Variants in ADGRL3 observed in about 807,000 individuals in gnomAD.
The protein encoded by ADGRL3 is adhesion G protein-coupled receptor L3.
In ADGRL3, 62 loss-of-function variants were observed where a neutral mutation model predicts 153.5. The observed-to-expected ratio is 0.40, with a 90% CI of 0.33 to 0.50. The LOEUF (loss-of-function observed/expected upper bound fraction) is 0.50, where lower values mean the gene tolerates loss of function less well. ADGRL3 is among the 20% of genes least tolerant of loss of function. The pLI is 0.47. For synonymous variants in ADGRL3, 710 were observed against 672.5 expected (o/e 1.06, Z -0.86); for missense variants, 1,641 against 1,859.4 (o/e 0.88, Z 2.16).
chr4:61,767,318 A>T (rs963103025), intron 8 of ADGRL3, among the ~76,000 whole-genome samples: 6 of 151,050 alleles, frequency 4.0e-5, no homozygotes, highest in Admixed American at 3.3e-4. Flanking sequence ...GGAGTGCTTA[A>T]AAGAGTATTG....
intron 3 of ADGRL3, among the ~76,000 whole-genome samples, chr4:61,505,343 C>G (rs2098420662): frequency 6.6e-6 from 1 of 151,988 alleles, no homozygotes; most frequent in East Asian, 1.9e-4. Flanking sequence ...TGATAGTTTG[C>G]AAATATTTTC....
At chr4:61,782,503 T>A (rs1348882587) in intron 8 of ADGRL3, among the ~76,000 whole-genome samples, 1 of 152,108 alleles carries the variant, frequency 6.6e-6, no homozygotes, top group East Asian at 1.9e-4. Context: ...CAGATAAACA[T>A]AATAAACCTC....
At chr4:62,068,125 CTTG>C (rs757199238) in intron 25 of ADGRL3, 38 bp from the exon 26 acceptor site, 43 of 1,422,810 alleles carry the variant, frequency 3.0e-5, no homozygotes, top group African/African-American at 1.2e-4. Flanking sequence ...TGTAAGCTTA[CTTG>C]TTGTTTTTTC....
At chr4:61,959,990 A>T (rs1040919931) in intron 17 of ADGRL3, among the ~76,000 whole-genome samples, 6 of 152,186 alleles carry the variant, frequency 3.9e-5, no homozygotes, top group African/African-American at 1.4e-4. Flanking sequence ...TATTTATTTA[A>T]GGAAAAACTA....
intron 3 of ADGRL3, among the ~76,000 whole-genome samples, chr4:61,514,189 C>T (rs999568519): frequency 1.3e-5 from 2 of 152,156 alleles, no homozygotes; most frequent in African/African-American, 4.8e-5. Context: ...ATACCACCTT[C>T]CTTGACCTAA....
chr4:61,243,829 T>C (rs1335796609), intron 1 of ADGRL3, among the ~76,000 whole-genome samples: 1 of 152,034 alleles, frequency 6.6e-6, no homozygotes, highest in East Asian at 1.9e-4. Flanking sequence ...AATACGGTCA[T>C]CATAAAATAA....
chr4:61,755,901 G>C (rs1275291833), intron 8 of ADGRL3, among the ~76,000 whole-genome samples: 3 of 151,986 alleles, frequency 2.0e-5, no homozygotes, highest in Admixed American at 6.6e-5. Context: ...TCTTGTTTTT[G>C]TCAGGTTTGT....
In ADGRL3 at chr4:62,078,044, T is replaced by C. The variant is rs1029665602; in HGVS notation, c.*7136T>C. On this transcript the variant is annotated 3_prime_UTR_variant, in exon 27 of 27. Coordinates refer to ENST00000683033, the MANE Select transcript of ADGRL3 (RefSeq NM_001387552.1). Reference sequence around the variant, plus strand: ...CATTAAATCTAATTCAAAATATGTCTTTCTAAAAAACAATAGTTTATTTTT... The same window carrying C: ...CATTAAATCTAATTCAAAATATGTCCTTCTAAAAAACAATAGTTTATTTTT... The C allele has an allele frequency of 6.6e-6, 1 of 152,022 alleles. No individual in the cohort carries two copies. Among genetic ancestry groups the C allele is most frequent in the African/African-American group, 2.4e-5 (1 of 41,442 alleles). 9.4% of individuals were successfully genotyped at this position (152,022 alleles called of 1,614,324 possible).
chr4:62,044,152 T>A (rs1315199963), intron 24 of ADGRL3, among the ~76,000 whole-genome samples: 1 of 152,044 alleles, frequency 6.6e-6, no homozygotes, highest in Non-Finnish European at 1.5e-5. Flanking sequence ...TGAAGATATA[T>A]ACCTCTGTAT....
intron 17 of ADGRL3, among the ~76,000 whole-genome samples, chr4:61,975,242 T>C (rs967674925): frequency 6.6e-6 from 1 of 152,142 alleles, no homozygotes; most frequent in Admixed American, 6.5e-5. Flanking sequence ...GTCTGTATTT[T>C]TAGATACGAT....
chr4:62,064,229 T>A (rs1242751820), intron 25 of ADGRL3, among the ~76,000 whole-genome samples: 1 of 151,976 alleles, frequency 6.6e-6, no homozygotes, highest in Non-Finnish European at 1.5e-5. Context: ...AGGCAGGTCA[T>A]AAAATTGCTT....
At chr4:61,519,718 A>G (rs2098518446) in intron 4 of ADGRL3, among the ~76,000 whole-genome samples, 1 of 152,188 alleles carries the variant, frequency 6.6e-6, no homozygotes, top group Non-Finnish European at 1.5e-5. Context: ...AGCTCTTTAA[A>G]TTGAAAAGAC....
intron 13 of ADGRL3, among the ~76,000 whole-genome samples, chr4:61,913,575 T>A (rs1202923511): frequency 6.6e-6 from 1 of 152,204 alleles, no homozygotes; most frequent in Non-Finnish European, 1.5e-5. Flanking sequence ...ATTGGCAGTT[T>A]AAAAACAAAA....
At chr4:61,595,157 A>G (rs575024997) in intron 5 of ADGRL3, among the ~76,000 whole-genome samples, 2 of 152,222 alleles carry the variant, frequency 1.3e-5, no homozygotes, top group African/African-American at 2.4e-5. Context: ...TTGCTACCCT[A>G]TCCCACTGTG....
intron 21 of ADGRL3, among the ~76,000 whole-genome samples, chr4:62,012,032 A>G (rs1301865459): frequency 1.3e-5 from 2 of 152,068 alleles, no homozygotes; most frequent in African/African-American, 4.8e-5. Flanking sequence ...AATATATATA[A>G]TTTTATGTGA....
intron 5 of ADGRL3, among the ~76,000 whole-genome samples, chr4:61,599,131 C>T (rs1010617524): frequency 6.6e-6 from 1 of 152,156 alleles, no homozygotes; most frequent in African/African-American, 2.4e-5. Flanking sequence ...TACTTAGGCT[C>T]AACAAAGTAT....
intron 1 of ADGRL3, among the ~76,000 whole-genome samples, chr4:61,227,710 A>T (rs1425649548): frequency 2.0e-5 from 3 of 152,176 alleles, no homozygotes; most frequent in Admixed American, 2.0e-4. Context: ...TCCATCTTTT[A>T]AAACTATTCT....
intron 19 of ADGRL3, among the ~76,000 whole-genome samples, chr4:61,989,403 T>C (rs535082369): frequency 1.5e-3 from 227 of 152,172 alleles, no homozygotes; most frequent in African/African-American, 5.3e-3. Flanking sequence ...TGACTATAGC[T>C]TGGCCAGTAG....
intron 25 of ADGRL3, among the ~76,000 whole-genome samples, chr4:62,066,467 A>G (rs1743044933): frequency 6.6e-6 from 1 of 152,084 alleles, no homozygotes; most frequent in Non-Finnish European, 1.5e-5. Context: ...TGAATAATAT[A>G]CTTTTATTAC....
Sources: gnomAD v4.1 joint callset for allele counts (sites outside exome capture counted in the v4.1 genomes callset) on GRCh38, gnomAD v4.1.1 for gene constraint, MANE v1.5 for transcripts, NCBI Gene and HGNC (gene_info 2026-07-23, HGNC 2026-07-21) for gene names.